Variants in ZNF438 observed in about 807,000 individuals in gnomAD.
The protein encoded by ZNF438 is zinc finger protein 438.
A neutral mutation model predicts 38.0 loss-of-function variants in ZNF438; 25 were observed. That is an observed-to-expected ratio of 0.66 (90% CI 0.48 to 0.92). ZNF438 has a LOEUF of 0.92. Among genes scored for constraint, ZNF438 ranks in the 40% least tolerant of loss-of-function variants. ZNF438 has a pLI of 0.00. For missense variants in ZNF438, 1,007 were observed against 999.6 expected (o/e 1.01, Z -0.10); for synonymous variants, 372 against 364.1 (o/e 1.02, Z -0.25).
At chr10:30,981,294 A>G (rs2052104529) in intron 1 of ZNF438, among the ~76,000 whole-genome samples, 1 of 152,166 alleles carries the variant, frequency 6.6e-6, no homozygotes, top group Non-Finnish European at 1.5e-5. Flanking sequence ...AGGAGAATCC[A>G]CTCTAGGTCA....
At chr10:30,858,562 G>A (rs900938673) in intron 4 of ZNF438, among the ~76,000 whole-genome samples, 1 of 152,198 alleles carries the variant, frequency 6.6e-6, no homozygotes, top group African/African-American at 2.4e-5. Flanking sequence ...TGTAAAACGT[G>A]CCGGCAATAG....
At chr10:30,939,640 C>T (rs73252642) in intron 2 of ZNF438, among the ~76,000 whole-genome samples, 10,379 of 148,490 alleles carry the variant, frequency 0.07, 1,159 homozygotes, top group African/African-American at 0.23. Context: ...CAGCAACCTA[C>T]AGGTAAAAGT....
chr10:30,953,883 C>T (rs1230004781), intron 1 of ZNF438, among the ~76,000 whole-genome samples: 1 of 152,184 alleles, frequency 6.6e-6, no homozygotes, highest in Non-Finnish European at 1.5e-5. Flanking sequence ...GTGGCTCACA[C>T]CTGTACTCCC....
chr10:30,991,566 T>G (rs2053503052), intron 1 of ZNF438, among the ~76,000 whole-genome samples: 2 of 152,168 alleles, frequency 1.3e-5, no homozygotes. Flanking sequence ...CCAGTTTCTG[T>G]GCAGTGGTGC....
intron 1 of ZNF438, among the ~76,000 whole-genome samples, chr10:31,008,923 C>T (rs2055397950): frequency 6.6e-6 from 1 of 152,222 alleles, no homozygotes; most frequent in Non-Finnish European, 1.5e-5. Flanking sequence ...TCCTCACTAA[C>T]ACTTGTTATC....
chr10:30,902,136 G>T (rs1239548511), intron 3 of ZNF438, among the ~76,000 whole-genome samples: 1 of 152,130 alleles, frequency 6.6e-6, no homozygotes, highest in Non-Finnish European at 1.5e-5. Context: ...ACCTGAGAGG[G>T]TTGCCATGGC....
At chr10:30,881,892 C>T (rs1200383838) in intron 3 of ZNF438, among the ~76,000 whole-genome samples, 2 of 152,074 alleles carry the variant, frequency 1.3e-5, no homozygotes, top group Non-Finnish European at 2.9e-5. Flanking sequence ...GAACTTTGAG[C>T]CACACCTCAC....
At chr10:30,873,696 C>A (rs1255801216) in intron 4 of ZNF438, among the ~76,000 whole-genome samples, 2 of 152,132 alleles carry the variant, frequency 1.3e-5, no homozygotes, top group Non-Finnish European at 2.9e-5. Context: ...GATTTTAGAG[C>A]CTAAAAGCTC....
chr10:30,896,457 A>T (rs1160577799), intron 3 of ZNF438, among the ~76,000 whole-genome samples: 2 of 152,172 alleles, frequency 1.3e-5, no homozygotes, highest in Non-Finnish European at 2.9e-5. Flanking sequence ...TATACATACA[A>T]TGGATTATTC....
intron 4 of ZNF438, among the ~76,000 whole-genome samples, chr10:30,856,874 T>G (rs2034726962): frequency 6.6e-6 from 1 of 152,196 alleles, no homozygotes; most frequent in Non-Finnish European, 1.5e-5. Context: ...TTTTGAAAAG[T>G]GACATTTACA....
At chr10:30,869,384 A>AC (rs2037010353) in intron 4 of ZNF438, among the ~76,000 whole-genome samples, 1 of 125,590 alleles carries the variant, frequency 8.0e-6, no homozygotes, top group African/African-American at 3.1e-5. Context: ...CAAAAACAAA[A>AC]CAAAAAAGAA....
At chr10:30,910,731 C>G (rs80189372) in intron 2 of ZNF438, among the ~76,000 whole-genome samples, 1 of 138,780 alleles carries the variant, frequency 7.2e-6, no homozygotes, top group Non-Finnish European at 1.6e-5. Flanking sequence ...AACTCATCAT[C>G]TTTTTACCTA....
intron 3 of ZNF438, among the ~76,000 whole-genome samples, chr10:30,897,204 A>T (rs1449310006): frequency 6.6e-6 from 1 of 152,188 alleles, no homozygotes; most frequent in Non-Finnish European, 1.5e-5. Context: ...ATATCTGGGT[A>T]GTTTTTTGAG....
intron 4 of ZNF438, among the ~76,000 whole-genome samples, chr10:30,855,888 T>C (rs1001877322): frequency 6.6e-6 from 1 of 152,210 alleles, no homozygotes; most frequent in Non-Finnish European, 1.5e-5. Context: ...GTGGCCTTTG[T>C]TGGGTGGAGG....
chr10:30,925,235 C>A (rs1004326436), intron 2 of ZNF438, among the ~76,000 whole-genome samples: 1 of 151,448 alleles, frequency 6.6e-6, no homozygotes, highest in African/African-American at 2.4e-5. Context: ...GGATCTCTGA[C>A]ACAATATTGA....
chr10:30,874,728 G>C (rs2038146480), intron 4 of ZNF438, among the ~76,000 whole-genome samples: 2 of 151,440 alleles, frequency 1.3e-5, no homozygotes, highest in Admixed American at 1.3e-4. Flanking sequence ...TGTTTGATGA[G>C]AGAAAAAGGA....
At chr10:30,857,812 G>C (rs2034923544) in intron 4 of ZNF438, 1 of 1,341,146 alleles carries the variant, frequency 7.5e-7, no homozygotes, top group African/African-American at 1.5e-5. Flanking sequence ...AAAGGCAGTG[G>C]AGGAAAGAAT....
At chr10:30,964,475 G>A (rs2049897550) in intron 1 of ZNF438, among the ~76,000 whole-genome samples, 1 of 152,182 alleles carries the variant, frequency 6.6e-6, no homozygotes, top group African/African-American at 2.4e-5. Context: ...TCAGATGGCA[G>A]GAACAAGGTG....
intron 3 of ZNF438, among the ~76,000 whole-genome samples, chr10:30,879,826 T>C (rs1219034593): frequency 6.6e-6 from 1 of 152,022 alleles, no homozygotes; most frequent in Non-Finnish European, 1.5e-5. Flanking sequence ...AGAGCATCAG[T>C]GAGCTGCAGG....
Sources: allele counts gnomAD v4.1 joint callset (sites outside exome capture counted in the v4.1 genomes callset), GRCh38; gene constraint gnomAD v4.1.1; transcripts MANE v1.5; gene names NCBI Gene and HGNC (gene_info 2026-07-23, HGNC 2026-07-21).